Variants in APCDD1L observed in about 807,000 individuals in gnomAD.
APCDD1L encodes the protein APC down-regulated 1 like.
APCDD1L carries 21 observed loss-of-function variants against 24.2 expected under a neutral mutation model. The observed-to-expected ratio is 0.87, with a 90% CI of 0.61 to 1.25. The LOEUF is 1.25. Ranked by LOEUF, APCDD1L falls within the 50% of genes most tolerant of loss-of-function variation. The probability of loss-of-function intolerance (pLI) is 0.00; values close to 1 mark genes in which losing one functional copy is unlikely to be tolerated. For synonymous variants in APCDD1L, 321 were observed against 323.6 expected (o/e 0.99, Z 0.09); for missense variants, 704 against 711.7 (o/e 0.99, Z 0.12).
intron 1 of APCDD1L, 97 bp downstream of exon 1, chr20:58,514,562 G>T: frequency 8.5e-7 from 1 of 1,176,006 alleles, no homozygotes; most frequent in Non-Finnish European, 1.1e-6. Context: ...GCCGACCCAG[G>T]GCCGTAGTCC....
At chr20:58,470,497 G>T in intron 2 of APCDD1L, 112 bp downstream of exon 2, 12 of 1,385,130 alleles carry the variant, frequency 8.7e-6, no homozygotes, top group African/African-American at 1.5e-5. Flanking sequence ...CAGGTAGAAG[G>T]CCTCTTGGAT....
Position 58,511,339 on chromosome 20 carries a change from T to G in APCDD1L, c.49+3320A>C, listed in dbSNP as rs184680719. On this transcript the variant is annotated intron_variant, in intron 1 of 3. Coordinates refer to ENST00000371149, the MANE Select transcript of APCDD1L (RefSeq NM_153360.3). ...GCTTCTCCTTCCCTTTGCATTGGGC[T>G]ATTGATCTTCATTTTCCAGGCTGGT... Among the ~76,000 whole-genome samples the G allele has an allele frequency of 1.0e-4, 16 of 152,384 alleles. No homozygotes were observed. In the East Asian group the frequency reaches 3.1e-3, roughly 29 times the overall value.
At chr20:58,470,327 C>A (rs1989785762) in intron 2 of APCDD1L, among the ~76,000 whole-genome samples, 1 of 152,212 alleles carries the variant, frequency 6.6e-6, no homozygotes, top group South Asian at 2.1e-4. Context: ...GCATGTTGAG[C>A]GCATGTCCCA....
At chr20:58,476,256 T>C (rs912616122) in intron 1 of APCDD1L, among the ~76,000 whole-genome samples, 23 of 152,340 alleles carry the variant, frequency 1.5e-4, no homozygotes, top group African/African-American at 5.5e-4. Flanking sequence ...AGTGGTGCAA[T>C]CTCGGCTCAC....
In APCDD1L at chr20:58,461,148, C is replaced by T. The variant is rs775967486; in HGVS notation, c.1148G>A (p.Gly383Glu). The T allele has an allele frequency of 1.2e-6, 2 of 1,612,982 alleles. No individual in the cohort carries two copies. The highest frequency in any genetic ancestry group is 1.7e-6 in the Non-Finnish European group (2 of 1,179,392). ...FSEPSSCGGA[G>E]AWSMGTERDV... ...CCGCTCAGTGCCCATGGACCAGGCC[C>T]CCGCACCCCCACAGCTGCTTGGCTC... The change falls in exon 4 of 4, where the codon GGG (glycine) becomes GAG (glutamate). Residue 383 changes from glycine to glutamate, a missense_variant. Physicochemically the swap from Gly to Glu is moderately conservative, Grantham distance 98. Transcript: ENST00000371149. This position sits in a 1 kb window ranked among gnomAD's most constrained non-coding sequence, Gnocchi z 6.0.
intron 1 of APCDD1L, among the ~76,000 whole-genome samples, chr20:58,502,940 G>A (rs1990468091): frequency 6.6e-6 from 1 of 152,060 alleles, no homozygotes; most frequent in African/African-American, 2.4e-5. Flanking sequence ...TCTTCCTTAG[G>A]TCCCCGTCAG....
At chr20:58,506,798 G>T (rs946441216) in intron 1 of APCDD1L, among the ~76,000 whole-genome samples, 10 of 152,196 alleles carry the variant, frequency 6.6e-5, no homozygotes, top group African/African-American at 2.2e-4. Flanking sequence ...CAGCTCAGAT[G>T]CCTCAGAGTG....
chr20:58,470,056 T>G (rs540493889), intron 2 of APCDD1L, among the ~76,000 whole-genome samples: 1 of 152,156 alleles, frequency 6.6e-6, no homozygotes, highest in Non-Finnish European at 1.5e-5. Flanking sequence ...ATTAGATGGG[T>G]GCACCCAGGC....
intron 1 of APCDD1L, among the ~76,000 whole-genome samples, chr20:58,507,328 C>T (rs1023870352): frequency 1.3e-5 from 2 of 152,172 alleles, no homozygotes; most frequent in Non-Finnish European, 2.9e-5. Context: ...AGCCCAGTCT[C>T]GGGCATGCCT....
intron 1 of APCDD1L, among the ~76,000 whole-genome samples, chr20:58,471,260 C>T (rs1989807131): frequency 6.6e-6 from 1 of 152,220 alleles, no homozygotes; most frequent in Non-Finnish European, 1.5e-5. Flanking sequence ...TGCTTGGCCT[C>T]TCCCGGCACA....
At chr20:58,483,647 C>T (rs1430595817) in intron 1 of APCDD1L, among the ~76,000 whole-genome samples, 3 of 152,156 alleles carry the variant, frequency 2.0e-5, no homozygotes, top group Non-Finnish European at 2.9e-5. Context: ...GCCAAATGGC[C>T]GGAATGGCAC....
chr20:58,489,840 G>A (rs746350149), intron 1 of APCDD1L, among the ~76,000 whole-genome samples: 1 of 151,978 alleles, frequency 6.6e-6, no homozygotes, highest in Non-Finnish European at 1.5e-5. Context: ...TCAATTTTGG[G>A]GGCCCTCTTA....
intron 1 of APCDD1L, among the ~76,000 whole-genome samples, chr20:58,490,739 C>G (rs1056869507): frequency 1.2e-4 from 18 of 152,216 alleles, no homozygotes; most frequent in African/African-American, 3.9e-4. Context: ...CTAAGGTTCT[C>G]ACACTCTATA....
chr20:58,501,258 A>G (rs982512495), intron 1 of APCDD1L, among the ~76,000 whole-genome samples: 6 of 152,148 alleles, frequency 3.9e-5, no homozygotes, highest in Admixed American at 3.3e-4. Context: ...CCAAATTCTT[A>G]TGTTAAAGCT....
In APCDD1L at chr20:58,467,236, C is replaced by A; in HGVS notation, c.611G>T (p.Arg204Leu). The A allele has an allele frequency of 1.9e-6, 3 of 1,593,470 alleles. No homozygotes were observed. Among genetic ancestry groups the A allele is most frequent in the Non-Finnish European group, 2.6e-6 (3 of 1,175,264 alleles). The change falls in exon 3 of 4, where the codon CGC becomes CTC. Residue 204 changes from arginine (R) to leucine (L), a missense_variant. Transcript: ENST00000371149. The surrounding 1 kb of genome is among the most constrained non-coding windows in gnomAD (Gnocchi z 5.9). ...CGACGCCCGGGGCTGCGGCTGCAGG[C>A]GGCGCTGCACGCGGACCAGGCTGAG... ...HELSLVRVQR[R>L]LQPQPRASPR...
At chr20:58,509,942 C>A (rs987795342) in intron 1 of APCDD1L, among the ~76,000 whole-genome samples, 4 of 152,290 alleles carry the variant, frequency 2.6e-5, no homozygotes, top group Admixed American at 2.0e-4. Flanking sequence ...CCCTGCCAAC[C>A]CCTGACCTTG....
chr20:58,504,881 C>G (rs1415081923), intron 1 of APCDD1L, among the ~76,000 whole-genome samples: 1 of 152,224 alleles, frequency 6.6e-6, no homozygotes, highest in Admixed American at 6.5e-5. Flanking sequence ...AGGACCAAGT[C>G]CTGCAGCCAG....
chr20:58,471,236 G>C (rs961426571), intron 1 of APCDD1L, among the ~76,000 whole-genome samples: 5 of 152,218 alleles, frequency 3.3e-5, no homozygotes, highest in Non-Finnish European at 2.9e-5. Flanking sequence ...CCTCCACCAA[G>C]GAGCCCTGGG....
At chr20:58,498,829 G>A (rs532244063) in intron 1 of APCDD1L, among the ~76,000 whole-genome samples, 5 of 152,336 alleles carry the variant, frequency 3.3e-5, no homozygotes, top group South Asian at 2.1e-4. Context: ...CCCTCATGGC[G>A]GGCATCATCT....
Sources: gnomAD v4.1 joint callset for allele counts (sites outside exome capture counted in the v4.1 genomes callset) on GRCh38, gnomAD v4.1.1 for gene constraint, Gnocchi (gnomAD v3.1) non-coding constraint, MANE v1.5 for transcripts, NCBI Gene and HGNC (gene_info 2026-07-23, HGNC 2026-07-21) for gene names.